EFHB: variants seen among roughly 807,000 people sequenced by gnomAD.
EFHB encodes the protein EF-hand domain-containing family member B.
In EFHB, 91 loss-of-function variants were observed where a neutral mutation model predicts 87.2. The observed-to-expected ratio is 1.04, with a 90% CI of 0.88 to 1.24. EFHB has a LOEUF of 1.24. Among genes scored for constraint, EFHB ranks in the 50% most tolerant of loss-of-function variants. The probability of loss-of-function intolerance (pLI) is 0.00; values close to 1 mark genes in which losing one functional copy is unlikely to be tolerated. For synonymous variants in EFHB, 325 were observed against 333.6 expected, an observed-to-expected ratio of 0.97 and a Z score of 0.28; for missense variants, 1,084 against 998.8, an observed-to-expected ratio of 1.09 and a Z score of -1.15.
chr3:19,917,955 C>A (rs892092607), intron 4 of EFHB, among the ~76,000 whole-genome samples: 1 of 152,164 alleles, frequency 6.6e-6, no homozygotes, highest in East Asian at 1.9e-4. Context: ...TAGCTAGCCC[C>A]AGAGCCAATT....
chr3:19,901,564 T>G (rs1411319104), intron 6 of EFHB, among the ~76,000 whole-genome samples: 1 of 152,166 alleles, frequency 6.6e-6, no homozygotes, highest in Admixed American at 6.5e-5. Flanking sequence ...TTCCTTCCCA[T>G]TTGTTGGCGG....
intron 6 of EFHB, among the ~76,000 whole-genome samples, chr3:19,899,944 G>A (rs1018945383): frequency 6.6e-6 from 1 of 151,994 alleles, no homozygotes; most frequent in African/African-American, 2.4e-5. Context: ...GTGGTGGCAT[G>A]TACCTGTAGT....
chr3:19,904,883 A>C (rs931863004), intron 6 of EFHB, among the ~76,000 whole-genome samples: 1 of 152,188 alleles, frequency 6.6e-6, no homozygotes, highest in East Asian at 1.9e-4. Context: ...GATTTTTTTA[A>C]GCATAACAAG....
chr3:19,918,007 C>T (rs939926622), intron 4 of EFHB, among the ~76,000 whole-genome samples: 10 of 152,198 alleles, frequency 6.6e-5, no homozygotes, highest in African/African-American at 2.4e-4. Context: ...GCCTACTATG[C>T]TCACTATATC....
At chr3:19,940,261 C>T (rs774348488) in intron 1 of EFHB, 4 of 219,410 alleles carry the variant, frequency 1.8e-5, no homozygotes, top group Non-Finnish European at 3.7e-5. Flanking sequence ...TGTACTTGGG[C>T]TGGCTTATTC....
chr3:19,930,527 T>C (rs1695792705), intron 1 of EFHB, among the ~76,000 whole-genome samples: 1 of 152,248 alleles, frequency 6.6e-6, no homozygotes, highest in Non-Finnish European at 1.5e-5. Flanking sequence ...CTCTTCAGTA[T>C]ATTATAATCT....
intron 1 of EFHB, among the ~76,000 whole-genome samples, chr3:19,929,448 G>A (rs1343993507): frequency 2.6e-5 from 4 of 152,122 alleles, no homozygotes; most frequent in East Asian, 3.9e-4. Context: ...GCTCACGCCT[G>A]TAATCCCTGC....
At chr3:19,922,470 A>G (rs1250295347) in intron 1 of EFHB, among the ~76,000 whole-genome samples, 1 of 152,230 alleles carries the variant, frequency 6.6e-6, no homozygotes, top group East Asian at 1.9e-4. Context: ...TTGTAGCCAG[A>G]AACATCAAAC....
intron 5 of EFHB, among the ~76,000 whole-genome samples, chr3:19,908,562 A>AAG (rs71624361): frequency 2.4e-3 from 202 of 83,876 alleles, no homozygotes; most frequent in East Asian, 7.2e-3. Flanking sequence ...GAAAGAGAGA[A>AAG]AGAGAGAGAG....
chr3:19,884,581 A>G lies in EFHB; in HGVS notation c.1968T>C (p.Ala656=), dbSNP rs1265380760. The change falls in exon 11 of 13, where the codon GCT becomes GCC. Residue 656 remains alanine (A), a synonymous_variant. Coordinates refer to ENST00000295824, the MANE Select transcript of EFHB (RefSeq NM_144715.4). ...RKPDCVNPTE[A]NVEEPEQTLL... ...GAGTTTGTTCAGGTTCTTCAACATTAGCCTCAGTAGGGTTTACACAATCTG... is the reference window on the plus strand; with the variant it reads ...GAGTTTGTTCAGGTTCTTCAACATTGGCCTCAGTAGGGTTTACACAATCTG... 1 of 1,613,844 alleles carries G rather than the reference A, an allele frequency of 6.2e-7. No individual in the cohort carries two copies. Among genetic ancestry groups the G allele is most frequent in the Non-Finnish European group, 8.5e-7 (1 of 1,179,882 alleles).
intron 4 of EFHB, 129 bp downstream of exon 4, chr3:19,918,103 C>A: frequency 4.8e-6 from 5 of 1,037,752 alleles, no homozygotes; most frequent in Non-Finnish European, 6.8e-6. Context: ...TTGCAACAAT[C>A]CCATCTTTCC....
intron 1 of EFHB, among the ~76,000 whole-genome samples, chr3:19,927,275 G>T (rs868708426): frequency 2.6e-4 from 39 of 152,288 alleles, no homozygotes; most frequent in Middle Eastern, 6.8e-3. Context: ...TAGAGATTTT[G>T]ATCTCTGACA....
intron 9 of EFHB, chr3:19,896,429 A>G (rs1163000038): frequency 5.7e-6 from 3 of 522,440 alleles, no homozygotes; most frequent in Non-Finnish European, 7.0e-6. Context: ...TAAGGGGCAA[A>G]TAGTAAATAT....
intron 3 of EFHB, among the ~76,000 whole-genome samples, chr3:19,919,227 C>T (rs1033183755): frequency 2.0e-5 from 3 of 151,808 alleles, no homozygotes; most frequent in Non-Finnish European, 4.4e-5. Flanking sequence ...GATGGAGTTT[C>T]GGTCTGTTGC....
Position 19,933,677 on chromosome 3 carries a change from C to A in EFHB, c.342G>T (p.Glu114Asp), listed in dbSNP as rs905997110. ...CATGGGTATATCCTGCAAGAAGACT[C>A]TCATTTTCTAACCCCATTCTTCCTG... ...LLPGRMGLEN[E>D]SLLAGYTHER... The change falls in exon 1 of 13, where the codon GAG becomes GAT. Residue 114 changes from glutamate (E) to aspartate (D), a missense_variant. Transcript: ENST00000295824. 2.5e-6 allele frequency: 4 copies of A among 1,614,004 alleles called. No homozygotes were observed. The Admixed American group carries it at 5.0e-5, about 20-fold the overall frequency.
upstream of EFHB, chr3:19,936,072 T>A: frequency 2.6e-6 from 3 of 1,176,224 alleles, no homozygotes; most frequent in Non-Finnish European, 3.2e-6. Context: ...TCCAGAACTC[T>A]ACAAAAACCC....
chr3:19,925,498 A>G (rs567160970), intron 1 of EFHB, among the ~76,000 whole-genome samples: 1 of 152,116 alleles, frequency 6.6e-6, no homozygotes, highest in South Asian at 2.1e-4. Flanking sequence ...TTATTGTCCT[A>G]AATAACCCTG....
intron 5 of EFHB, among the ~76,000 whole-genome samples, chr3:19,907,972 A>G (rs887603840): frequency 3.3e-5 from 5 of 152,226 alleles, no homozygotes; most frequent in Admixed American, 3.3e-4. Context: ...CAAATTGGGC[A>G]GTAATTTGAG....
intron 6 of EFHB, among the ~76,000 whole-genome samples, chr3:19,904,993 C>G (rs1334702334): frequency 2.6e-5 from 4 of 152,086 alleles, no homozygotes; most frequent in Admixed American, 6.6e-5. Context: ...ATTTTGTTTT[C>G]TAAGGAAGTA....
Sources: allele counts gnomAD v4.1 joint callset (sites outside exome capture counted in the v4.1 genomes callset), GRCh38; gene constraint gnomAD v4.1.1; transcripts MANE v1.5; gene names NCBI Gene and HGNC (gene_info 2026-07-23, HGNC 2026-07-21).